Variants in NRG1 observed in about 807,000 individuals in gnomAD.
The protein encoded by NRG1 is neuregulin 1.
NRG1 carries 18 observed loss-of-function variants against 63.8 expected under a neutral mutation model. The observed-to-expected ratio is 0.28, with a 90% CI of 0.19 to 0.42. The LOEUF is 0.42. Among genes scored for constraint, NRG1 ranks in the 10% least tolerant of loss-of-function variants. The pLI is 1.00. For synonymous variants in NRG1, 302 were observed against 301.3 expected, an observed-to-expected ratio of 1.00 and a Z score of -0.02; for missense variants, 762 against 814.7, an observed-to-expected ratio of 0.94 and a Z score of 0.79.
At chr8:32,767,739 TCTTTTC>T (rs1018270283) in exon 12 of NRG1, 5 of 152,300 alleles carry the variant, frequency 3.3e-5, no homozygotes, top group Admixed American at 3.3e-4. Flanking sequence ...AAATTATGTA[TCTTTTC>T]CTTTTCTTTT....
intron 1 of NRG1, among the ~76,000 whole-genome samples, chr8:32,332,480 A>G (rs570458972): frequency 6.6e-6 from 1 of 152,114 alleles, no homozygotes; most frequent in African/African-American, 2.4e-5. Flanking sequence ...TTCCTTGTAG[A>G]TTTTTATTAC....
chr8:32,304,232 A>G (rs953895860), intron 1 of NRG1, among the ~76,000 whole-genome samples: 3 of 152,264 alleles, frequency 2.0e-5, no homozygotes, highest in Non-Finnish European at 2.9e-5. Context: ...TCAAAGTACC[A>G]GTGAATGGAA....
chr8:32,180,156 C>T (rs1245089076), intron 1 of NRG1, among the ~76,000 whole-genome samples: 6 of 152,118 alleles, frequency 3.9e-5, no homozygotes, highest in African/African-American at 1.2e-4. Context: ...TATATTGCTT[C>T]CAGATATTTT....
chr8:32,340,059 A>G (rs571188786), intron 1 of NRG1, among the ~76,000 whole-genome samples: 5 of 152,182 alleles, frequency 3.3e-5, no homozygotes, highest in South Asian at 4.2e-4. Context: ...TGGTTCTAGG[A>G]CTTCTGCCAT....
At chr8:31,674,954 G>C (rs1807530806) in intron 1 of NRG1, among the ~76,000 whole-genome samples, 2 of 152,182 alleles carry the variant, frequency 1.3e-5, no homozygotes, top group Admixed American at 1.3e-4. Flanking sequence ...CCTTCTCTGA[G>C]GTCCCACAGA....
At position 32,297,431 on chromosome 8, in the gene NRG1, TTACTCAAG is replaced by T. The variant is rs545123554; in HGVS notation, c.38-298395_38-298388del. ...GAGGGATGATGTAATGTATAATCAG[TTACTCAAG>T]TCAAAATGCCAGGAAAGTATATGAA... On this transcript the variant is annotated intron_variant, in intron 1 of 10. Transcript: ENST00000519301. 2.7e-3 allele frequency among the ~76,000 whole-genome samples: 407 copies of T among 151,930 alleles called. 2 individuals are homozygous for T. The highest frequency in any genetic ancestry group is 9.6e-3 in the African/African-American group (397 of 41,570).
At chr8:31,872,407 C>A (rs1258494858) in intron 1 of NRG1, among the ~76,000 whole-genome samples, 1 of 152,128 alleles carries the variant, frequency 6.6e-6, no homozygotes, top group Non-Finnish European at 1.5e-5. Context: ...GAAAGTCTGA[C>A]AATTACTTCC....
At chr8:32,622,456 G>A (rs761047216) in intron 5 of NRG1, among the ~76,000 whole-genome samples, 5 of 152,026 alleles carry the variant, frequency 3.3e-5, no homozygotes, top group Non-Finnish European at 5.9e-5. Flanking sequence ...AGGCTGGAGT[G>A]CAGTAGTGCA....
chr8:31,928,127 G>T (rs1042119627), intron 1 of NRG1, among the ~76,000 whole-genome samples: 1 of 151,578 alleles, frequency 6.6e-6, no homozygotes, highest in Admixed American at 6.6e-5. Context: ...AGCAGGATAT[G>T]GTTGTGTGAC....
intron 7 of NRG1, among the ~76,000 whole-genome samples, chr8:32,753,257 G>A (rs1462846193): frequency 6.6e-6 from 1 of 152,120 alleles, no homozygotes; most frequent in Non-Finnish European, 1.5e-5. Context: ...AATGTAATTA[G>A]ACTCACTGGA....
chr8:32,571,716 T>G (rs562507650), intron 1 of NRG1, among the ~76,000 whole-genome samples: 2 of 152,208 alleles, frequency 1.3e-5, no homozygotes, highest in African/African-American at 4.8e-5. Flanking sequence ...AAACTCTGTT[T>G]CATCTTTTTC....
chr8:32,561,016 T>C (rs574947075), intron 1 of NRG1, among the ~76,000 whole-genome samples: 2 of 152,292 alleles, frequency 1.3e-5, no homozygotes, highest in African/African-American at 4.8e-5. Flanking sequence ...AGAAAAATCA[T>C]AGAGTGTTAG....
At chr8:32,540,593 G>A (rs1309463164) in intron 1 of NRG1, among the ~76,000 whole-genome samples, 1 of 152,104 alleles carries the variant, frequency 6.6e-6, no homozygotes, top group African/African-American at 2.4e-5. Flanking sequence ...GGATATAACT[G>A]CTTTATGGGA....
chr8:31,772,950 C>A (rs1367671097), intron 1 of NRG1, among the ~76,000 whole-genome samples: 2 of 152,150 alleles, frequency 1.3e-5, no homozygotes, highest in Non-Finnish European at 2.9e-5. Flanking sequence ...GTACCAATAG[C>A]ACTTGAGTGC....
At chr8:32,268,165 G>A (rs1257812033) in intron 1 of NRG1, among the ~76,000 whole-genome samples, 1 of 152,146 alleles carries the variant, frequency 6.6e-6, no homozygotes, top group African/African-American at 2.4e-5. Context: ...CCAACAATCT[G>A]AAGGAGCCTG....
At chr8:32,407,857 A>C (rs973167888) in intron 1 of NRG1, among the ~76,000 whole-genome samples, 1 of 152,130 alleles carries the variant, frequency 6.6e-6, no homozygotes, top group African/African-American at 2.4e-5. Flanking sequence ...GAAGAATTTG[A>C]CTATAGGGTC....
intron 1 of NRG1, among the ~76,000 whole-genome samples, chr8:31,972,120 A>G (rs552578109): frequency 1.3e-5 from 2 of 152,220 alleles, no homozygotes; most frequent in African/African-American, 4.8e-5. Flanking sequence ...TATTTGCCAC[A>G]CTATGCCAGT....
chr8:31,925,637 C>G (rs1834297989), intron 1 of NRG1, among the ~76,000 whole-genome samples: 1 of 151,828 alleles, frequency 6.6e-6, no homozygotes, highest in Non-Finnish European at 1.5e-5. Flanking sequence ...TCTTTATGTT[C>G]TTTTCTACCA....
At chr8:31,669,283 G>A (rs946547896) in intron 1 of NRG1, among the ~76,000 whole-genome samples, 1 of 151,594 alleles carries the variant, frequency 6.6e-6, no homozygotes, top group Non-Finnish European at 1.5e-5. Context: ...TTTTGCCCAG[G>A]CTGGAGCACA....
Sources: gnomAD v4.1 joint callset for allele counts (sites outside exome capture counted in the v4.1 genomes callset) on GRCh38, gnomAD v4.1.1 for gene constraint, MANE v1.5 for transcripts, NCBI Gene and HGNC (gene_info 2026-07-23, HGNC 2026-07-21) for gene names.